IBTK: variants seen among roughly 807,000 people sequenced by gnomAD.
IBTK encodes the protein inhibitor of Bruton tyrosine kinase, also known as BTK-binding protein.
In IBTK, 83 loss-of-function variants were observed where a neutral mutation model predicts 154.9. The ratio of observed to expected loss-of-function variants is 0.54; its 90% confidence interval spans 0.45 to 0.64. IBTK has a LOEUF of 0.64. Ranked by LOEUF, IBTK falls within the 30% of genes least tolerant of loss-of-function variation. The pLI is 0.00. For synonymous variants in IBTK, 515 were observed against 536.1 expected, an observed-to-expected ratio of 0.96 and a Z score of 0.54; for missense variants, 1,332 against 1,584.6, an observed-to-expected ratio of 0.84 and a Z score of 2.71.
At chr6:82,184,728 C>A (rs1056462742) in intron 25 of IBTK, among the ~76,000 whole-genome samples, 1 of 152,168 alleles carries the variant, frequency 6.6e-6, no homozygotes, top group Non-Finnish European at 1.5e-5. Flanking sequence ...AATCCTACCA[C>A]AACCTCAAGT....
At chr6:82,205,001 C>T in intron 16 of IBTK, 43 bp from the exon 17 acceptor site, 2 of 1,273,716 alleles carry the variant, frequency 1.6e-6, no homozygotes, top group Middle Eastern at 1.9e-4. Flanking sequence ...TCTTTGTATA[C>T]ATTATACCTA....
rs1002990441 is a variant in IBTK at position 82,237,579 on chromosome 6, G to C, written c.321+2587C>G. ...AGCAGCAGCAGCAGCAGCAGCAGTA[G>C]TAGTAGTAGTAGTGGTGGTGGTAGT... On this transcript the variant is annotated intron_variant, in intron 2 of 28. Transcript: ENST00000306270. 8.6e-5 allele frequency among the ~76,000 whole-genome samples: 13 copies of C among 150,666 alleles called. 1 individual carries two copies. The highest frequency in any genetic ancestry group is 1.6e-4 in the Non-Finnish European group (11 of 67,840).
Position 82,247,684 on chromosome 6 carries a change from C to T in IBTK, c.-480G>A. The T allele has an allele frequency of 5.0e-6, 2 of 398,870 alleles. No individual in the cohort carries two copies. The highest frequency in any genetic ancestry group is 8.8e-6 in the Non-Finnish European group (2 of 226,290). 24.7% of individuals were successfully genotyped at this position (398,870 alleles called of 1,614,324 possible). A position where few individuals can be genotyped will look rare whatever the true frequency, so the allele number is the denominator to read the frequency against. ...GCGCCAGAGGGGCCAGTCCCCAGAC[C>T]CGGGTCAGTTCGGCAGGCGGCTGCA... On this transcript the variant is annotated 5_prime_UTR_variant, in exon 1 of 29. Coordinates refer to ENST00000306270, the MANE Select transcript of IBTK (RefSeq NM_015525.4).
chr6:82,235,273 C>T (rs1376109351), intron 2 of IBTK, among the ~76,000 whole-genome samples: 5 of 152,086 alleles, frequency 3.3e-5, no homozygotes, highest in Non-Finnish European at 7.3e-5. Flanking sequence ...TGCATCTGAA[C>T]ATAAACATTT....
chr6:82,211,720 C>A, intron 13 of IBTK, 148 bp from the exon 14 acceptor site: 1 of 638,600 alleles, frequency 1.6e-6, no homozygotes, highest in Non-Finnish European at 2.8e-6. Flanking sequence ...AATACTTCAT[C>A]TTTTTCCACC....
intron 16 of IBTK, among the ~76,000 whole-genome samples, chr6:82,208,599 C>T (rs980030851): frequency 6.6e-6 from 1 of 151,868 alleles, no homozygotes; most frequent in East Asian, 1.9e-4. Flanking sequence ...ACAAATTAAC[C>T]AGGCATGGTG....
At chr6:82,186,947 GCT>G (rs1352712095) in intron 25 of IBTK, among the ~76,000 whole-genome samples, 17 of 48,302 alleles carry the variant, frequency 3.5e-4, no homozygotes, top group Non-Finnish European at 2.9e-4. Flanking sequence ...AAGGATTTTT[GCT>G]CTGTTGCCCA....
chr6:82,236,024 C>A (rs1770702436), intron 2 of IBTK, among the ~76,000 whole-genome samples: 1 of 152,154 alleles, frequency 6.6e-6, no homozygotes, highest in African/African-American at 2.4e-5. Context: ...CAGGCATGTG[C>A]CACCACGCCC....
chr6:82,238,930 C>A (rs895532979), intron 2 of IBTK, among the ~76,000 whole-genome samples: 5 of 150,674 alleles, frequency 3.3e-5, no homozygotes, highest in African/African-American at 9.8e-5. Flanking sequence ...GTAGAGATGG[C>A]GTTTTACTAT....
At position 82,217,961 on chromosome 6, in the gene IBTK, T is replaced by C; in HGVS notation, c.1425A>G (p.Lys475=). 1 of 1,587,806 alleles carries C rather than the reference T, an allele frequency of 6.3e-7. No homozygotes were observed. Among genetic ancestry groups the C allele is most frequent in the Non-Finnish European group, 8.6e-7 (1 of 1,168,996 alleles). Residue 475 remains lysine, a splice_region_variant and synonymous_variant, in exon 10 of 29, where the codon AAA becomes AAG. Coordinates refer to ENST00000306270, the MANE Select transcript of IBTK (RefSeq NM_015525.4). ...FEEKRKSSEK[K]EILSNLHNSS... ...GTATTGTTCAATATATGAACTGACC[T>C]TTCTTTTCAGAACTCTTTCTTTTCT...
intron 28 of IBTK, 63 bp from the exon 29 acceptor site, chr6:82,171,619 T>C: frequency 7.0e-7 from 1 of 1,427,838 alleles, no homozygotes; most frequent in Non-Finnish European, 9.6e-7. Context: ...CAGGATGTAT[T>C]TGCCTTCCAA....
At chr6:82,225,344 C>A (rs1297769965) in intron 6 of IBTK, 133 bp downstream of exon 6, 4 of 456,014 alleles carry the variant, frequency 8.8e-6, no homozygotes, top group Non-Finnish European at 1.5e-5. Context: ...ATAATAAAGA[C>A]AGTATATACC....
At chr6:82,171,910 C>T (rs2127794983) in intron 28 of IBTK, among the ~76,000 whole-genome samples, 1 of 152,326 alleles carries the variant, frequency 6.6e-6, no homozygotes, top group Non-Finnish European at 1.5e-5. Flanking sequence ...TCTGAGCTTT[C>T]CAGTGCTACT....
intron 27 of IBTK, 174 bp downstream of exon 27, chr6:82,173,193 G>A: frequency 2.3e-6 from 1 of 439,016 alleles, no homozygotes; most frequent in South Asian, 5.3e-5. Flanking sequence ...GTAAAGACAG[G>A]GTTTTGCCAT....
At chr6:82,201,771 G>A (rs538770352) in intron 18 of IBTK, among the ~76,000 whole-genome samples, 2 of 151,398 alleles carry the variant, frequency 1.3e-5, no homozygotes, top group African/African-American at 4.9e-5. Context: ...CACCCAGGCT[G>A]GAGTGCAGTG....
At chr6:82,210,026 TA>T (rs998155795) in intron 16 of IBTK, among the ~76,000 whole-genome samples, 1 of 152,136 alleles carries the variant, frequency 6.6e-6, no homozygotes, top group East Asian at 1.9e-4. Flanking sequence ...CAGCTGGGGT[TA>T]AAAAAAACTA....
At chr6:82,232,444 C>T (rs1461562527) in intron 3 of IBTK, among the ~76,000 whole-genome samples, 1 of 152,138 alleles carries the variant, frequency 6.6e-6, no homozygotes, top group Non-Finnish European at 1.5e-5. Flanking sequence ...GCCCATTAAA[C>T]TGGAATACAA....
chr6:82,221,004 C>T (rs1421656474), intron 8 of IBTK, among the ~76,000 whole-genome samples: 1 of 149,030 alleles, frequency 6.7e-6, no homozygotes, highest in Admixed American at 6.8e-5. Flanking sequence ...GTTCCACCTG[C>T]TAATTCAAAC....
At chr6:82,198,318 G>A (rs908108495) in intron 21 of IBTK, among the ~76,000 whole-genome samples, 2 of 151,868 alleles carry the variant, frequency 1.3e-5, no homozygotes, top group Non-Finnish European at 2.9e-5. Context: ...AAACACTAAC[G>A]GTAATTCATA....
Sources: gnomAD v4.1 joint callset for allele counts (sites outside exome capture counted in the v4.1 genomes callset) on GRCh38, gnomAD v4.1.1 for gene constraint, MANE v1.5 for transcripts, NCBI Gene and HGNC (gene_info 2026-07-23, HGNC 2026-07-21) for gene names.